Variants in TDRD3 observed in about 807,000 individuals in gnomAD.
TDRD3 encodes tudor domain-containing protein 3.
In TDRD3, 45 loss-of-function variants were observed where a neutral mutation model predicts 86.7. That is an observed-to-expected ratio of 0.52 (90% CI 0.41 to 0.67). The LOEUF is 0.67. Ranked by LOEUF, TDRD3 falls within the 30% of genes least tolerant of loss-of-function variation. The pLI is 0.00. For missense variants in TDRD3, 814 were observed against 889.0 expected, an observed-to-expected ratio of 0.92 and a Z score of 1.07; for synonymous variants, 298 against 301.7, an observed-to-expected ratio of 0.99 and a Z score of 0.13.
chr13:60,482,584 T>A (rs1044136324), intron 5 of TDRD3, among the ~76,000 whole-genome samples: 5 of 152,228 alleles, frequency 3.3e-5, no homozygotes, highest in Admixed American at 1.3e-4. Flanking sequence ...GTTTGAATAG[T>A]CTTTGTTTAA....
At chr13:60,510,804 T>C (rs76544441) in intron 10 of TDRD3, 49 bp downstream of exon 10, 2 of 844,830 alleles carry the variant, frequency 2.4e-6, no homozygotes, top group Non-Finnish European at 3.1e-6. Flanking sequence ...TTTTCTTTCT[T>C]TTTTTTTTTT....
intron 10 of TDRD3, among the ~76,000 whole-genome samples, chr13:60,515,789 G>A (rs1957155133): frequency 6.6e-6 from 1 of 152,148 alleles, no homozygotes; most frequent in South Asian, 2.1e-4. Flanking sequence ...TGGAGTTAAA[G>A]CCCAGAGTAA....
At chr13:60,431,703 C>CAAAA (rs67787868) in intron 1 of TDRD3, among the ~76,000 whole-genome samples, 12 of 62,978 alleles carry the variant, frequency 1.9e-4, no homozygotes, top group Non-Finnish European at 2.5e-4. Context: ...CTATCTTTAC[C>CAAAA]AAAAAAAAAA....
chr13:60,554,748 G>A (rs547989193), intron 12 of TDRD3, among the ~76,000 whole-genome samples: 36 of 152,236 alleles, frequency 2.4e-4, no homozygotes, highest in African/African-American at 7.0e-4. Flanking sequence ...ATCCTTGAAC[G>A]AGAAGAATAT....
At chr13:60,544,932 G>C (rs1432390478) in intron 12 of TDRD3, among the ~76,000 whole-genome samples, 1 of 152,114 alleles carries the variant, frequency 6.6e-6, no homozygotes, top group Non-Finnish European at 1.5e-5. Flanking sequence ...TAAAACAGTG[G>C]AAGGAGATCA....
intron 12 of TDRD3, among the ~76,000 whole-genome samples, chr13:60,551,964 T>A (rs922841283): frequency 3.9e-5 from 6 of 152,110 alleles, no homozygotes; most frequent in Admixed American, 6.5e-5. Context: ...GGTCTCTCCC[T>A]CGACATGTGG....
At chr13:60,471,067 T>A (rs1956067584) in intron 5 of TDRD3, among the ~76,000 whole-genome samples, 1 of 152,218 alleles carries the variant, frequency 6.6e-6, no homozygotes, top group Non-Finnish European at 1.5e-5. Context: ...AGATATCAAT[T>A]CCTACTAACA....
chr13:60,463,415 A>G (rs1253143444), intron 4 of TDRD3, among the ~76,000 whole-genome samples: 1 of 151,916 alleles, frequency 6.6e-6, no homozygotes, highest in African/African-American at 2.4e-5. Flanking sequence ...TTACTAGAAG[A>G]AAACATTGGG....
intron 5 of TDRD3, among the ~76,000 whole-genome samples, chr13:60,478,635 A>C (rs1278816563): frequency 6.6e-6 from 1 of 151,910 alleles, no homozygotes; most frequent in African/African-American, 2.4e-5. Context: ...TTATTCTTTC[A>C]AAGAACCATC....
At chr13:60,475,011 C>T (rs1956154800) in intron 5 of TDRD3, among the ~76,000 whole-genome samples, 1 of 151,884 alleles carries the variant, frequency 6.6e-6, no homozygotes, top group South Asian at 2.1e-4. Context: ...GGTATACTAT[C>T]TACAGTCTGT....
At chr13:60,454,334 G>A (rs1208073730) in intron 3 of TDRD3, among the ~76,000 whole-genome samples, 2 of 152,014 alleles carry the variant, frequency 1.3e-5, no homozygotes, top group Non-Finnish European at 2.9e-5. Flanking sequence ...TTATTATTTT[G>A]TAGTCTGTGT....
At chr13:60,414,318 A>C (rs1341842) in intron 1 of TDRD3, among the ~76,000 whole-genome samples, 53,256 of 151,934 alleles carry the variant, frequency 0.35, 10,055 homozygotes, top group African/African-American at 0.45. Context: ...CAGTTTTTGT[A>C]AATAACATTT....
chr13:60,522,467 T>C (rs1358643540), intron 10 of TDRD3, among the ~76,000 whole-genome samples: 3 of 152,202 alleles, frequency 2.0e-5, no homozygotes, highest in African/African-American at 4.8e-5. Flanking sequence ...TGGGTGCTTA[T>C]TAAAGCCAGA....
Position 60,528,472 on chromosome 13 carries a change from A to G in TDRD3, c.1247A>G (p.Asn416Ser). The G allele has an allele frequency of 1.2e-6, 2 of 1,614,074 alleles. No individual in the cohort carries two copies. The highest frequency in any genetic ancestry group is 2.2e-5 in the East Asian group (1 of 44,864). ...DNNHLRHPPR[N>S]DTRQPRNEKP... Reference sequence around the variant, plus strand: ...AATCATCTGAGACATCCTCCTCGAAATGATACCAGGCAGCCAAGAAATGAA... The same window carrying G: ...AATCATCTGAGACATCCTCCTCGAAGTGATACCAGGCAGCCAAGAAATGAA... Residue 416 changes from asparagine (N) to serine (S), a missense_variant, in exon 11 of 14, where the codon AAT (asparagine) becomes AGT (serine). By Grantham distance (46) the Asn-to-Ser change is conservative. Transcript: ENST00000377881.
At chr13:60,535,021 A>G in intron 11 of TDRD3, 87 bp from the exon 12 acceptor site, 5 of 1,513,428 alleles carry the variant, frequency 3.3e-6, no homozygotes, top group Admixed American at 3.9e-5. Flanking sequence ...ACACATTGGA[A>G]CACTTTAAAA....
intron 12 of TDRD3, among the ~76,000 whole-genome samples, chr13:60,562,035 G>A (rs1958346171): frequency 6.6e-6 from 1 of 152,182 alleles, no homozygotes; most frequent in Non-Finnish European, 1.5e-5. Context: ...CTGAGGCTGG[G>A]TGCAGTGGCT....
At position 60,458,198 on chromosome 13, in the gene TDRD3, G is replaced by C. The variant is rs1345146487; in HGVS notation, c.193-2182G>C. 6.6e-5 allele frequency among the ~76,000 whole-genome samples: 10 copies of C among 152,282 alleles called. No individual in the cohort carries two copies. In the East Asian group the frequency reaches 1.9e-3, roughly 29 times the overall value. ...TTCTCATAGTCAACCAGATGTAGGAGATCACCAAAATAGTCCTATTCCTGC... is the reference window on the plus strand; with the variant it reads ...TTCTCATAGTCAACCAGATGTAGGACATCACCAAAATAGTCCTATTCCTGC... On this transcript the variant is annotated intron_variant, in intron 3 of 13. Transcript: ENST00000377881.
At chr13:60,483,905 A>G (rs1433736134) in intron 6 of TDRD3, 59 bp downstream of exon 6, 15 of 1,524,584 alleles carry the variant, frequency 9.8e-6, no homozygotes, top group African/African-American at 1.4e-5. Flanking sequence ...TTTCATTAGC[A>G]TTCAAGCTGT....
chr13:60,470,590 G>GT (rs71092676), intron 5 of TDRD3, among the ~76,000 whole-genome samples: 21 of 93,486 alleles, frequency 2.2e-4, no homozygotes, highest in East Asian at 6.2e-4. Flanking sequence ...TTATAGTTGG[G>GT]TTTTTTTTTT....
Sources: allele counts gnomAD v4.1 joint callset (sites outside exome capture counted in the v4.1 genomes callset), GRCh38; gene constraint gnomAD v4.1.1; transcripts MANE v1.5; gene names NCBI Gene and HGNC (gene_info 2026-07-23, HGNC 2026-07-21).